The following RSU1 variants were observed in gnomAD, a reference collection of about 807,000 sequenced individuals.
RSU1 encodes the protein Ras suppressor protein 1.
RSU1 carries 26 observed loss-of-function variants against 31.1 expected under a neutral mutation model. The observed-to-expected ratio is 0.84, with a 90% CI of 0.61 to 1.16. RSU1 has a LOEUF of 1.16. Among genes scored for constraint, RSU1 ranks in the 50% most tolerant of loss-of-function variants. RSU1 has a pLI of 0.00. For synonymous variants in RSU1, 164 were observed against 136.3 expected (o/e 1.20, Z -1.41); for missense variants, 320 against 339.1 (o/e 0.94, Z 0.44).
intron 8 of RSU1, among the ~76,000 whole-genome samples, chr10:16,653,317 A>G (rs766886870): frequency 1.3e-5 from 2 of 152,250 alleles, no homozygotes; most frequent in African/African-American, 2.4e-5. Flanking sequence ...AGGATATACA[A>G]TTAGGAAAGA....
intron 2 of RSU1, among the ~76,000 whole-genome samples, chr10:16,787,010 T>C (rs1398869033): frequency 6.6e-6 from 1 of 152,226 alleles, no homozygotes; most frequent in East Asian, 1.9e-4. Context: ...GCCTTACACC[T>C]GGACACAGGG....
intron 3 of RSU1, among the ~76,000 whole-genome samples, chr10:16,766,272 C>G (rs1454024911): frequency 6.6e-6 from 1 of 152,222 alleles, no homozygotes; most frequent in African/African-American, 2.4e-5. Flanking sequence ...CAAAGTTCCT[C>G]CAGAACCCTC....
intron 8 of RSU1, among the ~76,000 whole-genome samples, chr10:16,641,557 G>T (rs932284222): frequency 5.9e-5 from 9 of 152,176 alleles, no homozygotes; most frequent in Non-Finnish European, 1.3e-4. Context: ...TATGGAATTG[G>T]TTGTTGTAAG....
chr10:16,806,723 A>AC (rs1838277020), intron 2 of RSU1, among the ~76,000 whole-genome samples: 1 of 152,168 alleles, frequency 6.6e-6, no homozygotes, highest in South Asian at 2.1e-4. Context: ...CATCTTTGAC[A>AC]CGCCCTAAAG....
In RSU1 at chr10:16,786,648, T is replaced by C. The variant is rs1837797469; in HGVS notation, c.110-4564A>G. On this transcript the variant is annotated intron_variant, in intron 2 of 8. Transcript: ENST00000345264. The stretch of plus-strand genomic sequence containing the variant: ...CTGATTTCACTGTCTACTTCTATTT[T>C]TAAACACCCTACGTTCACCCCAATC... Among the ~76,000 whole-genome samples, 8 of 152,140 alleles carry C rather than the reference T, an allele frequency of 5.3e-5. No individual in the cohort carries two copies. In the South Asian group the frequency reaches 1.7e-3, roughly 32 times the overall value.
At chr10:16,814,887 C>A (rs992166083) in intron 2 of RSU1, among the ~76,000 whole-genome samples, 1 of 152,192 alleles carries the variant, frequency 6.6e-6, no homozygotes, top group East Asian at 1.9e-4. Context: ...CGGAGCTGAA[C>A]CGAAATAGCT....
chr10:16,727,434 C>T (rs1836421754), intron 7 of RSU1, among the ~76,000 whole-genome samples: 1 of 152,052 alleles, frequency 6.6e-6, no homozygotes, highest in Non-Finnish European at 1.5e-5. Context: ...AATTTCATTT[C>T]CCTCAGAAAC....
chr10:16,684,739 C>G lies in RSU1; in HGVS notation c.731+10284G>C, dbSNP rs116623671. 6.8e-3 allele frequency among the ~76,000 whole-genome samples: 1,042 copies of G among 152,202 alleles called. 9 individuals carry two copies. Among genetic ancestry groups the G allele is most frequent in the African/African-American group, 0.024 (980 of 41,520 alleles). ...TGCCGTTTGTGGTACTTGGTTATGG[C>G]AGCCAAAGCAAACGAATACAAATAG... is the stretch of plus-strand genomic sequence containing the variant. On this transcript the variant is annotated intron_variant, in intron 8 of 8. Transcript: ENST00000345264.
intron 7 of RSU1, among the ~76,000 whole-genome samples, chr10:16,727,752 C>G (rs1564334623): frequency 6.6e-6 from 1 of 152,264 alleles, no homozygotes; most frequent in East Asian, 1.9e-4. Context: ...AGCCAAACGG[C>G]ATCGTGCTAA....
intron 8 of RSU1, among the ~76,000 whole-genome samples, chr10:16,594,348 A>G (rs146060509): frequency 2.0e-5 from 3 of 151,836 alleles, no homozygotes; most frequent in Non-Finnish European, 4.4e-5. Context: ...CATCCACACA[A>G]GGAATATGCA....
At chr10:16,617,618 G>A (rs1833999925) in intron 8 of RSU1, among the ~76,000 whole-genome samples, 1 of 152,130 alleles carries the variant, frequency 6.6e-6, no homozygotes, top group Non-Finnish European at 1.5e-5. Context: ...AAAACAGCAT[G>A]GTACTGGTAT....
chr10:16,764,966 G>C (rs1837283673), intron 3 of RSU1, among the ~76,000 whole-genome samples: 1 of 151,184 alleles, frequency 6.6e-6, no homozygotes, highest in African/African-American at 2.5e-5. Context: ...GCTTGGCACA[G>C]TTTGTTTCAG....
At chr10:16,615,476 A>T (rs1459971021) in intron 8 of RSU1, among the ~76,000 whole-genome samples, 1 of 152,108 alleles carries the variant, frequency 6.6e-6, no homozygotes, top group Non-Finnish European at 1.5e-5. Flanking sequence ...ACAGATCAAC[A>T]AGACCGAAAA....
chr10:16,765,234 C>T (rs1178442416), intron 3 of RSU1, among the ~76,000 whole-genome samples: 2 of 152,126 alleles, frequency 1.3e-5, no homozygotes, highest in Non-Finnish European at 2.9e-5. Context: ...GTCCTCTTAA[C>T]ATTGCATTAA....
intron 8 of RSU1, among the ~76,000 whole-genome samples, chr10:16,629,869 A>G (rs1834219122): frequency 6.6e-6 from 1 of 152,220 alleles, no homozygotes; most frequent in Admixed American, 6.5e-5. Context: ...GCCACCAGAC[A>G]GTCCTGTATG....
At chr10:16,694,621 G>T (rs1392570531) in intron 8 of RSU1, among the ~76,000 whole-genome samples, 1 of 151,976 alleles carries the variant, frequency 6.6e-6, no homozygotes, top group African/African-American at 2.4e-5. Context: ...ATCCAGGCTC[G>T]AGTGCAGGGC....
chr10:16,641,156 T>A (rs1834435610), intron 8 of RSU1, among the ~76,000 whole-genome samples: 1 of 152,172 alleles, frequency 6.6e-6, no homozygotes, highest in African/African-American at 2.4e-5. Context: ...ACCCTGGAAC[T>A]TAAAATGAAA....
intron 4 of RSU1, among the ~76,000 whole-genome samples, chr10:16,755,619 T>C (rs1463610213): frequency 6.6e-6 from 1 of 152,058 alleles, no homozygotes; most frequent in Non-Finnish European, 1.5e-5. Flanking sequence ...CTGCTTAAAA[T>C]TCACTCTCTT....
chr10:16,696,269 C>CCAT (rs1353056709), intron 7 of RSU1, among the ~76,000 whole-genome samples: 1 of 152,108 alleles, frequency 6.6e-6, no homozygotes, highest in Non-Finnish European at 1.5e-5. Context: ...GGTTCTACTG[C>CCAT]CTATGTTTTC....
Sources: gnomAD v4.1 joint callset for allele counts (sites outside exome capture counted in the v4.1 genomes callset) on GRCh38, gnomAD v4.1.1 for gene constraint, MANE v1.5 for transcripts, NCBI Gene and HGNC (gene_info 2026-07-23, HGNC 2026-07-21) for gene names.